The following COG1 variants were observed in gnomAD, a reference collection of about 807,000 sequenced individuals.
The protein encoded by COG1 is component of oligomeric golgi complex 1, also known as conserved oligomeric Golgi complex subunit 1.
Under a neutral mutation model 102.2 loss-of-function variants are expected in COG1, and 61 were observed. That is an observed-to-expected ratio of 0.60 (90% CI 0.49 to 0.74). The LOEUF (loss-of-function observed/expected upper bound fraction) is 0.74. COG1 is among the 30% of genes least tolerant of loss of function. COG1 has a pLI of 0.00. For synonymous variants in COG1, 454 were observed against 493.6 expected (o/e 0.92, Z 1.06); for missense variants, 1,164 against 1,232.1 (o/e 0.94, Z 0.83).
At chr17:73,204,585 A>G (rs1423950198) in intron 9 of COG1, among the ~76,000 whole-genome samples, 2 of 126,456 alleles carry the variant, frequency 1.6e-5, no homozygotes, top group Non-Finnish European at 3.2e-5. Flanking sequence ...TTTGAGACAG[A>G]GTCTCACTCT....
chr17:73,197,109 G>T (rs2061328613), intron 3 of COG1, 28 bp downstream of exon 3: 3 of 1,613,922 alleles, frequency 1.9e-6, no homozygotes, highest in Admixed American at 1.7e-5. Flanking sequence ...CCAACATTTG[G>T]TCCTTAAATA....
rs889999874 is a variant in COG1 at position 73,199,744 on chromosome 17, G to C, written c.914-121G>C. 36 of 1,180,886 alleles carry C rather than the reference G, an allele frequency of 3.0e-5. No individual in the cohort carries two copies. In the South Asian group the frequency reaches 4.2e-4, roughly 14 times the overall value. The allele number at this position is 1,180,886 out of a possible 1,614,324, so 73.2% of individuals were successfully genotyped here. A position where few individuals can be genotyped will look rare whatever the true frequency, so the allele number is the denominator to read the frequency against. ...TGTGCACCATGACGCCTGGCAAATT[G>C]TTTCTTTTTTGTAGAGGTGAGGTTT... is the stretch of plus-strand genomic sequence containing the variant. On this transcript the variant is annotated intron_variant, in intron 4 of 13. Coordinates refer to ENST00000299886, the MANE Select transcript of COG1 (RefSeq NM_018714.3).
At chr17:73,194,977 C>G (rs2061319908) in intron 1 of COG1, among the ~76,000 whole-genome samples, 3 of 152,280 alleles carry the variant, frequency 2.0e-5, no homozygotes, top group Admixed American at 1.3e-4. Context: ...CACAATAAAA[C>G]TATAGGAAGT....
chr17:73,202,133 C>T (rs1044467457), intron 7 of COG1, among the ~76,000 whole-genome samples: 3 of 150,788 alleles, frequency 2.0e-5, no homozygotes, highest in Non-Finnish European at 3.0e-5. Flanking sequence ...GTCAGGAGAT[C>T]GAGACCATCC....
intron 3 of COG1, 33 bp from the exon 4 acceptor site, chr17:73,197,193 A>T (rs368275402): frequency 1.2e-6 from 2 of 1,613,902 alleles, no homozygotes; most frequent in Non-Finnish European, 1.7e-6. Flanking sequence ...TGGGAAAGGT[A>T]ATTGTTTCAA....
intron 4 of COG1, among the ~76,000 whole-genome samples, chr17:73,198,620 G>A (rs1002580436): frequency 2.7e-5 from 4 of 150,860 alleles, no homozygotes; most frequent in South Asian, 2.1e-4. Context: ...TTGCATTGGC[G>A]ATGGCTGAGG....
At chr17:73,203,575 A>G in intron 8 of COG1, 57 bp from the exon 9 acceptor site, 2 of 1,601,688 alleles carry the variant, frequency 1.2e-6, no homozygotes, top group South Asian at 2.2e-5. Context: ...ATTCACTTTC[A>G]CTGTGTGTCA....
chr17:73,194,483 A>T (rs904917578), intron 1 of COG1, among the ~76,000 whole-genome samples: 1 of 141,146 alleles, frequency 7.1e-6, no homozygotes, highest in Non-Finnish European at 1.5e-5. Flanking sequence ...TTATTTTTTG[A>T]GACAGGATCT....
rs1474293793 is a variant in COG1, at chr17:73,193,275, T to C, written c.206T>C (p.Met69Thr). Residue 69 changes from methionine to threonine, a missense_variant, in exon 1 of 14, where the codon ATG becomes ACG. Physicochemically the swap from Met to Thr is moderately conservative, Grantham distance 81. Coordinates refer to ENST00000299886, the MANE Select transcript of COG1 (RefSeq NM_018714.3). ...LIEAADTIGQ[M>T]RRCAVGLVDA... ...GAGGCGGCCGACACCATCGGCCAGA[T>C]GCGCCGCTGCGCCGTGGGGCTAGTG... 6.2e-7 allele frequency: 1 copy of C among 1,603,062 alleles called. No homozygotes were observed.
chr17:73,205,235 G>T (rs1428118760), intron 9 of COG1: 1 of 348,682 alleles, frequency 2.9e-6, no homozygotes. Context: ...AATTCAGTAA[G>T]TCTTCTCTAA....
At position 73,193,078 on chromosome 17, in the gene COG1, C is replaced by G; in HGVS notation, c.9C>G (p.Thr3=). MA[T]AATSPALKRL... ...GGGCTGACGAGTGCACCATGGCCAC[C>G]GCGGCAACCTCACCCGCGCTGAAGC... The change falls in exon 1 of 14, where the codon ACC becomes ACG. Residue 3 remains threonine (T), a synonymous_variant. Coordinates refer to ENST00000299886, the MANE Select transcript of COG1 (RefSeq NM_018714.3). 1.2e-6 allele frequency: 2 copies of G among 1,611,892 alleles called. No homozygotes were observed. The highest frequency in any genetic ancestry group is 1.7e-6 in the Non-Finnish European group (2 of 1,179,560).
chr17:73,203,315 T>C, intron 8 of COG1, 169 bp downstream of exon 8: 1 of 874,340 alleles, frequency 1.1e-6, no homozygotes, highest in Admixed American at 2.2e-5. Flanking sequence ...TGGCAGACTG[T>C]TCAAGAAGTC....
rs777543745 is a variant in COG1, at chr17:73,205,654, G to T, written c.2484G>T (p.Lys828Asn). 1 of 1,613,878 alleles carries T rather than the reference G, an allele frequency of 6.2e-7. No individual in the cohort carries two copies. The highest frequency in any genetic ancestry group is 8.5e-7 in the Non-Finnish European group (1 of 1,179,940). The change falls in exon 10 of 14, where the codon AAG becomes AAT. Residue 828 changes from lysine to asparagine, a missense_variant. Transcript: ENST00000299886. ...TGACAGCCAAGGGTGACGAGGTGAA[G>T]AGTGGCCGGAGCAAGCCAGACTCCA... Reference protein sequence around the residue: ...IVLTAKGDEVKSGRSKPDSRI... With the variant: ...IVLTAKGDEVNSGRSKPDSRI...
At chr17:73,193,449 C>G (rs1187731395) in intron 1 of COG1, 65 bp downstream of exon 1, 2 of 1,368,946 alleles carry the variant, frequency 1.5e-6, no homozygotes, top group Non-Finnish European at 1.9e-6. Flanking sequence ...CCTTGCAGGT[C>G]AACCCCGCCC....
At chr17:73,207,823 T>C in intron 13 of COG1, 1 of 1,281,326 alleles carries the variant, frequency 7.8e-7, no homozygotes, top group South Asian at 1.3e-5. Flanking sequence ...TTTGCTTTAT[T>C]GTTAGACACA....
rs572583949 is a variant in COG1, at chr17:73,197,361, C to G, written c.878C>G (p.Ser293Cys). The G allele has an allele frequency of 7.4e-6, 12 of 1,614,204 alleles. No homozygotes were observed. The highest frequency in any genetic ancestry group is 4.0e-5 in the African/African-American group (3 of 75,056). Residue 293 changes from serine (S) to cysteine (C), a missense_variant, in exon 4 of 14, where the codon TCT becomes TGT. Coordinates refer to ENST00000299886, the MANE Select transcript of COG1 (RefSeq NM_018714.3). ...GCCCTGCCATGTGGCTTGCTCTTCT[C>G]TACTCTGGAGACCATCACAGGCCAG... Reference protein sequence around the residue: ...DPALPCGLLFSTLETITGQHP... With the variant: ...DPALPCGLLFCTLETITGQHP...
chr17:73,196,680 T>C lies in COG1; in HGVS notation c.489T>C (p.Ser163=). The part of the protein sequence containing the change: ...LHSLLQLDSS[S]SRYSPVLSRF... ...GCCTGCTCCAGCTGGATTCTTCTAGTTCCCGATACAGTCCCGTCCTCTCCC... is the reference window on the plus strand; with the variant it reads ...GCCTGCTCCAGCTGGATTCTTCTAGCTCCCGATACAGTCCCGTCCTCTCCC... The change falls in exon 2 of 14, where the codon AGT becomes AGC. Residue 163 remains serine, a synonymous_variant. Coordinates refer to ENST00000299886, the MANE Select transcript of COG1 (RefSeq NM_018714.3). The C allele has an allele frequency of 6.2e-7, 1 of 1,614,194 alleles. No individual in the cohort carries two copies. The highest frequency in any genetic ancestry group is 1.1e-5 in the South Asian group (1 of 91,086).
At chr17:73,196,049 G>T (rs540981983) in intron 1 of COG1, among the ~76,000 whole-genome samples, 1 of 152,322 alleles carries the variant, frequency 6.6e-6, no homozygotes, top group Admixed American at 6.5e-5. Context: ...TTGTGGGTCT[G>T]GGAAGTCCAA....
At chr17:73,203,845 C>A in intron 9 of COG1, 52 bp downstream of exon 9, 8 of 1,600,766 alleles carry the variant, frequency 5.0e-6, no homozygotes, top group Non-Finnish European at 6.8e-6. Flanking sequence ...CAAAAGAAAA[C>A]CTTAGCATTG....
Sources: gnomAD v4.1 joint callset for allele counts (sites outside exome capture counted in the v4.1 genomes callset) on GRCh38, gnomAD v4.1.1 for gene constraint, MANE v1.5 for transcripts, NCBI Gene and HGNC (gene_info 2026-07-23, HGNC 2026-07-21) for gene names.